Variants in TSPAN3 observed in about 807,000 individuals in gnomAD.
TSPAN3 encodes tetraspanin 3.
In TSPAN3, 9 loss-of-function variants were observed where a neutral mutation model predicts 31.1. The observed-to-expected ratio is 0.29, with a 90% CI of 0.17 to 0.50. The LOEUF is 0.50. Ranked by LOEUF, TSPAN3 falls within the 20% of genes least tolerant of loss-of-function variation. The probability of loss-of-function intolerance (pLI) is 0.98; values close to 1 mark genes in which losing one functional copy is unlikely to be tolerated. For synonymous variants in TSPAN3, 129 were observed against 114.3 expected (o/e 1.13, Z -0.82); for missense variants, 252 against 313.5 (o/e 0.80, Z 1.48).
chr15:77,046,751 A>G lies in TSPAN3; in HGVS notation c.*84T>C, dbSNP rs1568537281. The G allele has an allele frequency of 5.8e-6, 6 of 1,039,492 alleles. No individual in the cohort carries two copies. Among genetic ancestry groups the G allele is most frequent in the East Asian group, 5.2e-5 (2 of 38,590 alleles). The allele number at this position is 1,039,492 out of a possible 1,614,324, so 64.4% of individuals were successfully genotyped here. A position where few individuals can be genotyped will look rare whatever the true frequency, so the allele number is the denominator to read the frequency against. ...GTGTACATGTGCTTTAACTAAATGA[A>G]CTCCAGAGGCCAACAGCAGCAGACC... On this transcript the variant is annotated 3_prime_UTR_variant, in exon 7 of 7. Coordinates refer to ENST00000267970, the MANE Select transcript of TSPAN3 (RefSeq NM_005724.6).
intron 1 of TSPAN3, chr15:77,064,520 A>C (rs1325750636): frequency 6.6e-6 from 1 of 152,238 alleles, no homozygotes; most frequent in East Asian, 1.9e-4. Context: ...TATCCTAGAA[A>C]GCTAATAACC....
At chr15:77,060,638 G>A (rs1164092792) in intron 1 of TSPAN3, among the ~76,000 whole-genome samples, 2 of 152,024 alleles carry the variant, frequency 1.3e-5, no homozygotes, top group Admixed American at 1.3e-4. Context: ...CTTTTGAAGG[G>A]CCATGATGGG....
At chr15:77,048,968 A>T (rs1197971199) in intron 6 of TSPAN3, among the ~76,000 whole-genome samples, 1 of 152,224 alleles carries the variant, frequency 6.6e-6, no homozygotes, top group Non-Finnish European at 1.5e-5. Flanking sequence ...ATACCTATCA[A>T]AATTCATTCA....
At position 77,045,307 on chromosome 15, in the gene TSPAN3, C is replaced by T. The variant is rs79484886; in HGVS notation, c.*1528G>A. ...ACAGCCAGAATCCACCGCTCACCAC[C>T]GCCCCCAACAGTGCCCTGCTGCCCA... On this transcript the variant is annotated 3_prime_UTR_variant, in exon 7 of 7. Transcript: ENST00000267970. 0.016 allele frequency: 2,449 copies of T among 152,872 alleles called. 40 individuals are homozygous for T. The highest frequency in any genetic ancestry group is 0.032 in the South Asian group (155 of 4,828). The allele number at this position is 152,872 out of a possible 1,614,324, so 9.5% of individuals were successfully genotyped here. A position where few individuals can be genotyped will look rare whatever the true frequency, so the allele number is the denominator to read the frequency against.
At chr15:77,046,952 GA>G in intron 6 of TSPAN3, 25 bp from the exon 7 acceptor site, 4 of 1,546,396 alleles carry the variant, frequency 2.6e-6, no homozygotes, top group Non-Finnish European at 2.6e-6. Context: ...CAACAATGGG[GA>G]AAAAAGGCTG....
intron 6 of TSPAN3, among the ~76,000 whole-genome samples, chr15:77,049,943 A>G (rs1400483924): frequency 1.3e-5 from 2 of 152,204 alleles, no homozygotes; most frequent in African/African-American, 4.8e-5. Context: ...AATTGGAGGC[A>G]GAGTACAAAC....
chr15:77,047,645 C>A (rs2076703364), intron 6 of TSPAN3, among the ~76,000 whole-genome samples: 1 of 152,186 alleles, frequency 6.6e-6, no homozygotes, highest in South Asian at 2.1e-4. Flanking sequence ...CCTAAACCTT[C>A]TGTGGTAGCA....
At chr15:77,047,049 G>A (rs960238599) in intron 6 of TSPAN3, 122 bp from the exon 7 acceptor site, 8 of 676,122 alleles carry the variant, frequency 1.2e-5, no homozygotes, top group Middle Eastern at 5.1e-4. Context: ...CAAAAAGGCA[G>A]TAACAACAGT....
chr15:77,053,124 T>A (rs958406082), intron 4 of TSPAN3, among the ~76,000 whole-genome samples, 195 bp from the exon 5 acceptor site: 1 of 152,032 alleles, frequency 6.6e-6, no homozygotes, highest in Admixed American at 6.6e-5. Flanking sequence ...TTGTGGCTAG[T>A]GTGACTAGAA....
Position 77,056,054 on chromosome 15 carries a change from C to T in TSPAN3, c.255+10G>A. The T allele has an allele frequency of 6.3e-7, 1 of 1,596,768 alleles. No homozygotes were observed. Among genetic ancestry groups the T allele is most frequent in the Non-Finnish European group, 8.5e-7 (1 of 1,172,828 alleles). ...TAAATACTCCTGCATGTTCTCACAACACATCTTACCGTGGCAAGTCCACAG... is the reference window on the plus strand; with the variant it reads ...TAAATACTCCTGCATGTTCTCACAATACATCTTACCGTGGCAAGTCCACAG... On this transcript the variant is annotated intron_variant, in intron 2 of 6. Transcript: ENST00000267970.
chr15:77,069,149 T>C (rs2076851240), intron 1 of TSPAN3, among the ~76,000 whole-genome samples: 1 of 152,230 alleles, frequency 6.6e-6, no homozygotes, highest in South Asian at 2.1e-4. Flanking sequence ...AACAGGTAGC[T>C]AACCGTTTTG....
chr15:77,063,479 C>G (rs2076812449), intron 1 of TSPAN3: 1 of 151,932 alleles, frequency 6.6e-6, no homozygotes, highest in Non-Finnish European at 1.5e-5. Context: ...TTACTTGTAG[C>G]TAGGATTACA....
Position 77,067,505 on chromosome 15 carries a change from C to T in TSPAN3, c.63+3387G>A, listed in dbSNP as rs372473091. 2.6e-5 allele frequency: 4 copies of T among 152,324 alleles called. No homozygotes were observed. In the East Asian group the frequency reaches 5.8e-4, roughly 22 times the overall value. The allele number at this position is 152,324 out of a possible 1,614,324, so 9.4% of individuals were successfully genotyped here. A position where few individuals can be genotyped will look rare whatever the true frequency, so the allele number is the denominator to read the frequency against. ...GACCCTTGTTAACAATCAGCCATTA[C>T]CATCTGACAGTGAAGAGCCAATGCA... On this transcript the variant is annotated intron_variant, in intron 1 of 6. Transcript: ENST00000267970.
Position 77,044,147 on chromosome 15 carries a change from G to C in TSPAN3, c.*2688C>G. The C allele has an allele frequency of 6.6e-6, 1 of 152,288 alleles. No homozygotes were observed. The highest frequency in any genetic ancestry group is 1.5e-5 in the Non-Finnish European group (1 of 68,028). The allele number at this position is 152,288 out of a possible 1,614,324, so 9.4% of individuals were successfully genotyped here. ...TGGTCCTCAACCAGGGCTGTGTCCT[G>C]GACACACCCTAGAGCACCTTAGATG... On this transcript the variant is annotated 3_prime_UTR_variant, in exon 7 of 7. Transcript: ENST00000267970.
intron 1 of TSPAN3, among the ~76,000 whole-genome samples, chr15:77,057,607 T>A (rs1483105373): frequency 1.3e-5 from 2 of 152,236 alleles, no homozygotes; most frequent in Non-Finnish European, 2.9e-5. Context: ...AGGCAATTTT[T>A]AAAAACATTG....
chr15:77,058,694 G>A (rs2076782980), intron 1 of TSPAN3, among the ~76,000 whole-genome samples: 1 of 152,154 alleles, frequency 6.6e-6, no homozygotes, highest in Non-Finnish European at 1.5e-5. Context: ...AAAGTTTATT[G>A]AGTACACCTC....
At chr15:77,070,217 T>G (rs966483539) in intron 1 of TSPAN3, among the ~76,000 whole-genome samples, 6 of 152,236 alleles carry the variant, frequency 3.9e-5, no homozygotes, top group Admixed American at 6.5e-5. Flanking sequence ...CTCATCACTT[T>G]CAAAATCTTG....
At chr15:77,067,487 G>C (rs900114172) in intron 1 of TSPAN3, among the ~76,000 whole-genome samples, 16 of 152,268 alleles carry the variant, frequency 1.1e-4, no homozygotes, top group African/African-American at 3.9e-4. Flanking sequence ...TTTGACCCTT[G>C]TTAACAATCA....
chr15:77,051,185 C>T (rs1244645218), intron 6 of TSPAN3, among the ~76,000 whole-genome samples: 1 of 151,904 alleles, frequency 6.6e-6, no homozygotes, highest in African/African-American at 2.4e-5. Context: ...AGGTGTAACC[C>T]ATCACACCTG....
Sources: allele counts gnomAD v4.1 joint callset (sites outside exome capture counted in the v4.1 genomes callset), GRCh38; gene constraint gnomAD v4.1.1; transcripts MANE v1.5; gene names NCBI Gene and HGNC (gene_info 2026-07-23, HGNC 2026-07-21).